Variants in DLG2 observed in about 807,000 individuals in gnomAD.
DLG2 encodes the protein disks large homolog 2.
In DLG2, 45 loss-of-function variants were observed where a neutral mutation model predicts 132.5. The ratio of observed to expected loss-of-function variants is 0.34; its 90% CI spans 0.27 to 0.44. The LOEUF (loss-of-function observed/expected upper bound fraction) is 0.44, where lower values mean the gene tolerates loss of function less well. Ranked by LOEUF, DLG2 falls within the 20% of genes least tolerant of loss-of-function variation. DLG2 has a pLI of 1.00. For missense variants in DLG2, 1,045 were observed against 1,196.9 expected, an observed-to-expected ratio of 0.87 and a Z score of 1.87; for synonymous variants, 424 against 419.6, an observed-to-expected ratio of 1.01 and a Z score of -0.13.
intron 3 of DLG2, among the ~76,000 whole-genome samples, chr11:85,338,086 C>A (rs2082248944): frequency 6.6e-6 from 1 of 151,618 alleles, no homozygotes; most frequent in South Asian, 2.1e-4. Flanking sequence ...TATTCAACTA[C>A]CTAAAGGAAA....
At chr11:85,503,286 TC>T (rs1163957772) in intron 3 of DLG2, among the ~76,000 whole-genome samples, 2 of 152,122 alleles carry the variant, frequency 1.3e-5, no homozygotes, top group Non-Finnish European at 2.9e-5. Context: ...CTTTTCTTAC[TC>T]CCCTACTTTG....
intron 6 of DLG2, among the ~76,000 whole-genome samples, chr11:84,797,407 C>A (rs2074783724): frequency 6.6e-6 from 1 of 152,228 alleles, no homozygotes; most frequent in South Asian, 2.1e-4. Flanking sequence ...AGGCATGCTT[C>A]ATTCTTTTTT....
intron 3 of DLG2, among the ~76,000 whole-genome samples, chr11:85,592,992 AGGAAGGAAGGAC>A (rs1381696318): frequency 1.3e-5 from 2 of 151,822 alleles, no homozygotes; most frequent in African/African-American, 2.4e-5. Context: ...AGAAAAAAGA[AGGAAGGAAGGAC>A]GGAAGGAAAG....
chr11:83,463,275 A>T (rs1385043743), intron 26 of DLG2, among the ~76,000 whole-genome samples: 1 of 151,858 alleles, frequency 6.6e-6, no homozygotes, highest in Admixed American at 6.6e-5. Context: ...AAAACAATAT[A>T]TTGACATTAG....
chr11:84,804,133 T>C (rs1374211885), intron 6 of DLG2, among the ~76,000 whole-genome samples: 4 of 152,304 alleles, frequency 2.6e-5, no homozygotes, highest in Non-Finnish European at 4.4e-5. Context: ...TGATGACAAA[T>C]ATTATTATTT....
intron 7 of DLG2, among the ~76,000 whole-genome samples, chr11:84,461,680 TAA>T (rs761955341): frequency 2.6e-5 from 4 of 150,974 alleles, no homozygotes; most frequent in Non-Finnish European, 5.9e-5. Context: ...AGAAGTAATA[TAA>T]AGAGTGAAGA....
At chr11:84,830,376 T>C (rs2078878527) in intron 6 of DLG2, among the ~76,000 whole-genome samples, 1 of 151,414 alleles carries the variant, frequency 6.6e-6, no homozygotes, top group African/African-American at 2.4e-5. Context: ...CTACGTTTTT[T>C]TTTTTTTGGC....
rs376766366 is a variant in DLG2, at chr11:84,656,360, C to G, written c.358-121629G>C. On this transcript the variant is annotated intron_variant, in intron 6 of 27. Transcript: ENST00000376104. ...TGGAAACAAAAATCACCATATAAAA[C>G]ATAGGTCTGCTTGCTAAAAAGGCTA... Among the ~76,000 whole-genome samples, 6 of 152,296 alleles carry G rather than the reference C, an allele frequency of 3.9e-5. No individual in the cohort carries two copies. The East Asian group carries it at 1.2e-3, about 29-fold the overall frequency.
chr11:85,191,764 T>G (rs1007232674), intron 4 of DLG2, among the ~76,000 whole-genome samples: 7 of 152,180 alleles, frequency 4.6e-5, no homozygotes, highest in African/African-American at 1.7e-4. Context: ...ATACTACCAT[T>G]GATGGGCAGG....
chr11:85,528,218 G>T (rs1448434852), intron 3 of DLG2, among the ~76,000 whole-genome samples: 1 of 152,150 alleles, frequency 6.6e-6, no homozygotes, highest in Admixed American at 6.5e-5. Flanking sequence ...TTTGGCTTTT[G>T]TCACAATTGC....
intron 3 of DLG2, among the ~76,000 whole-genome samples, chr11:85,412,760 C>CACACACACACACACATAT (rs756868795): frequency 3.5e-5 from 4 of 113,244 alleles, no homozygotes; most frequent in Non-Finnish European, 7.1e-5. Context: ...CACACACACA[C>CACACACACACACACATAT]ATATATATAT....
intron 3 of DLG2, among the ~76,000 whole-genome samples, chr11:85,372,849 G>A (rs966108158): frequency 6.6e-6 from 1 of 152,136 alleles, no homozygotes; most frequent in Admixed American, 6.5e-5. Context: ...AGTACCCCTG[G>A]TATCTGTTAG....
Position 84,994,239 on chromosome 11 carries a change from C to T in DLG2, c.357+117422G>A, listed in dbSNP as rs528848042. 1.6e-4 allele frequency among the ~76,000 whole-genome samples: 24 copies of T among 152,252 alleles called. No individual in the cohort carries two copies. The South Asian group carries it at 5.0e-3, about 32-fold the overall frequency. On this transcript the variant is annotated intron_variant, in intron 6 of 27. Transcript: ENST00000376104. ...CTCAGTCTCTCTCTCCAGCTCTACTCATCTCTACTGTTTCCTCATGTAGCC... is the reference window on the plus strand; with the variant it reads ...CTCAGTCTCTCTCTCCAGCTCTACTTATCTCTACTGTTTCCTCATGTAGCC...
chr11:85,177,644 T>C (rs931741066), intron 4 of DLG2, among the ~76,000 whole-genome samples: 1 of 152,074 alleles, frequency 6.6e-6, no homozygotes, highest in Non-Finnish European at 1.5e-5. Flanking sequence ...GGAACAAACC[T>C]ACACATCCTA....
At chr11:84,720,404 C>A in intron 6 of DLG2, 4 of 985,462 alleles carry the variant, frequency 4.1e-6, no homozygotes, top group Non-Finnish European at 4.8e-6. Flanking sequence ...ACATTCCTTC[C>A]GGGCTGCGGC....
chr11:83,620,432 A>G (rs1446933738), intron 19 of DLG2, among the ~76,000 whole-genome samples: 1 of 152,228 alleles, frequency 6.6e-6, no homozygotes, highest in African/African-American at 2.4e-5. Context: ...ATTCCTTTTT[A>G]TCTTTTAATA....
intron 7 of DLG2, among the ~76,000 whole-genome samples, chr11:84,350,183 C>G (rs1386873819): frequency 5.1e-5 from 7 of 136,694 alleles, no homozygotes; most frequent in Admixed American, 1.4e-4. Flanking sequence ...GTCCCCCCCC[C>G]CAAAAAAAAA....
intron 5 of DLG2, among the ~76,000 whole-genome samples, chr11:85,152,237 TTTATTAA>T (rs2077302746): frequency 6.6e-6 from 1 of 150,592 alleles, no homozygotes; most frequent in African/African-American, 2.5e-5. Context: ...AAGTTATTTA[TTTATTAA>T]TTTTTTTTTT....
intron 5 of DLG2, among the ~76,000 whole-genome samples, chr11:85,150,757 T>C (rs1002517947): frequency 6.6e-5 from 10 of 150,716 alleles, no homozygotes; most frequent in African/African-American, 2.4e-4. Context: ...TGTGTAACAT[T>C]TTCTTTATCC....
Sources: allele counts gnomAD v4.1 joint callset (sites outside exome capture counted in the v4.1 genomes callset), GRCh38; gene constraint gnomAD v4.1.1; transcripts MANE v1.5; gene names NCBI Gene and HGNC (gene_info 2026-07-23, HGNC 2026-07-21).